WBP1L: variants seen among roughly 807,000 people sequenced by gnomAD.
WBP1L encodes the protein WW domain binding protein 1 like.
In WBP1L, 17 loss-of-function variants were observed where a neutral mutation model predicts 33.7. That is an observed-to-expected ratio of 0.50 (90% CI 0.34 to 0.76). The LOEUF (loss-of-function observed/expected upper bound fraction) is 0.76. WBP1L is among the 30% of genes least tolerant of loss of function. WBP1L has a pLI of 0.01. For missense variants in WBP1L, 389 were observed against 469.4 expected (o/e 0.83, Z 1.58); for synonymous variants, 173 against 190.8 (o/e 0.91, Z 0.77).
chr10:102,793,285 G>A (rs1843529211), intron 1 of WBP1L, among the ~76,000 whole-genome samples: 1 of 152,034 alleles, frequency 6.6e-6, no homozygotes, highest in Non-Finnish European at 1.5e-5. Flanking sequence ...TACCAAAAAA[G>A]TAAAAATAAA....
Position 102,781,207 on chromosome 10 carries a change from G to A in WBP1L, c.91-16786G>A, listed in dbSNP as rs146623245. ...AAGTGGCTTTAGAGTCTCACAAGGAGAGCAGTGGAAAGGCTGTGTGATAGC... is the reference window on the plus strand; with the variant it reads ...AAGTGGCTTTAGAGTCTCACAAGGAAAGCAGTGGAAAGGCTGTGTGATAGC... On this transcript the variant is annotated intron_variant, in intron 1 of 3. Transcript: ENST00000448841. Among the ~76,000 whole-genome samples, 1,303 of 152,304 alleles carry A rather than the reference G, an allele frequency of 8.6e-3. 10 individuals are homozygous for A. Among genetic ancestry groups the A allele is most frequent in the African/African-American group, 0.03 (1,227 of 41,564 alleles).
At chr10:102,799,720 C>T (rs7092051) in intron 2 of WBP1L, among the ~76,000 whole-genome samples, 78,865 of 151,906 alleles carry the variant, frequency 0.52, 21,498 homozygotes, top group Middle Eastern at 0.63. Context: ...GACCTTGCCC[C>T]CACCATCCTA....
At chr10:102,772,748 T>A (rs1345292521) in intron 1 of WBP1L, among the ~76,000 whole-genome samples, 2 of 150,568 alleles carry the variant, frequency 1.3e-5, no homozygotes, top group Non-Finnish European at 2.9e-5. Flanking sequence ...TTTTGTATTT[T>A]CTGTAGAGAT....
chr10:102,761,078 G>A (rs1408420092), intron 1 of WBP1L, among the ~76,000 whole-genome samples: 2 of 146,898 alleles, frequency 1.4e-5, no homozygotes, highest in African/African-American at 5.0e-5. Context: ...TTAATTTTTT[G>A]TGTTTTTTGG....
At chr10:102,798,646 A>G (rs575311633) in intron 2 of WBP1L, among the ~76,000 whole-genome samples, 1 of 152,234 alleles carries the variant, frequency 6.6e-6, no homozygotes, top group South Asian at 2.1e-4. Context: ...GATGGTCTCG[A>G]TCTGTTGACC....
At chr10:102,782,639 C>T (rs1843355107) in intron 1 of WBP1L, among the ~76,000 whole-genome samples, 1 of 152,094 alleles carries the variant, frequency 6.6e-6, no homozygotes, top group African/African-American at 2.4e-5. Flanking sequence ...CCTGCCTGAG[C>T]CATTTCTGTG....
At chr10:102,784,615 C>T (rs1355414989) in intron 1 of WBP1L, among the ~76,000 whole-genome samples, 10 of 151,628 alleles carry the variant, frequency 6.6e-5, no homozygotes, top group South Asian at 2.1e-4. Context: ...TTAGTAGAGA[C>T]GGGGTTTCAC....
Position 102,743,986 on chromosome 10 carries a change from A to C in WBP1L, c.-68A>C. 7.2e-6 allele frequency: 8 copies of C among 1,113,426 alleles called. No homozygotes were observed. The highest frequency in any genetic ancestry group is 1.1e-5 in the Non-Finnish European group (8 of 758,300). 69.0% of individuals were successfully genotyped at this position (1,113,426 alleles called of 1,614,324 possible). A position where few individuals can be genotyped will look rare whatever the true frequency, so the allele number is the denominator to read the frequency against. ...AGAAGGGAAGAAGGAAGAAGAGGGT[A>C]GAGGAGGAGAGGGAGGAGGAGGAGG... On this transcript the variant is annotated 5_prime_UTR_variant, in exon 1 of 4. Transcript: ENST00000448841.
chr10:102,770,711 C>T (rs1324361594), intron 1 of WBP1L, among the ~76,000 whole-genome samples: 17 of 152,150 alleles, frequency 1.1e-4, no homozygotes, highest in Admixed American at 1.1e-3. Flanking sequence ...GACCCTAGGA[C>T]CCTGACTTCA....
chr10:102,793,515 T>A (rs1196569518), intron 1 of WBP1L, among the ~76,000 whole-genome samples: 1 of 152,208 alleles, frequency 6.6e-6, no homozygotes, highest in African/African-American at 2.4e-5. Flanking sequence ...TATTTGACCT[T>A]TCCATTGCAT....
At chr10:102,784,040 A>G (rs1804248087) in intron 1 of WBP1L, among the ~76,000 whole-genome samples, 1 of 152,188 alleles carries the variant, frequency 6.6e-6, no homozygotes, top group African/African-American at 2.4e-5. Flanking sequence ...CTTATTAATG[A>G]CAGGTACAGA....
At chr10:102,754,366 G>A (rs1328751760) in intron 1 of WBP1L, among the ~76,000 whole-genome samples, 1 of 152,170 alleles carries the variant, frequency 6.6e-6, no homozygotes, top group African/African-American at 2.4e-5. Context: ...CTTCCTTAGA[G>A]CTGATTGCTG....
intron 2 of WBP1L, among the ~76,000 whole-genome samples, chr10:102,807,386 C>T (rs1843752147): frequency 6.7e-6 from 1 of 149,460 alleles, no homozygotes; most frequent in Non-Finnish European, 1.5e-5. Context: ...TCCATATATA[C>T]TTTTTTTTTT....
chr10:102,755,901 C>G (rs1590166886), intron 1 of WBP1L, among the ~76,000 whole-genome samples: 1 of 149,164 alleles, frequency 6.7e-6, no homozygotes, highest in Non-Finnish European at 1.5e-5. Context: ...AAAAATTAGC[C>G]GGGCGTGGTG....
intron 1 of WBP1L, among the ~76,000 whole-genome samples, chr10:102,768,364 G>GTT (rs1436727549): frequency 4.5e-5 from 2 of 44,578 alleles, no homozygotes; most frequent in Admixed American, 2.6e-4. Context: ...CCTGGCATTA[G>GTT]TTTTTTGTTT....
intron 2 of WBP1L, among the ~76,000 whole-genome samples, chr10:102,807,375 G>A (rs958940511): frequency 6.6e-6 from 1 of 151,956 alleles, no homozygotes. Context: ...TCCTTTTTCT[G>A]TCCATATATA....
intron 2 of WBP1L, among the ~76,000 whole-genome samples, chr10:102,806,448 A>G (rs1252067980): frequency 6.6e-6 from 1 of 152,060 alleles, no homozygotes. Flanking sequence ...AGCCAGTTTC[A>G]CCTCCATAAC....
chr10:102,781,641 C>T (rs1042634174), intron 1 of WBP1L, among the ~76,000 whole-genome samples: 1 of 152,122 alleles, frequency 6.6e-6, no homozygotes, highest in Non-Finnish European at 1.5e-5. Flanking sequence ...CTCTTTCCAC[C>T]AGGTTGAGGA....
intron 3 of WBP1L, among the ~76,000 whole-genome samples, chr10:102,810,768 T>C (rs569762625): frequency 1.3e-5 from 2 of 151,850 alleles, no homozygotes; most frequent in East Asian, 2.0e-4. Flanking sequence ...GGTTTCTCCA[T>C]GTTGGTCAGG....
Sources: gnomAD v4.1 joint callset for allele counts (sites outside exome capture counted in the v4.1 genomes callset) on GRCh38, gnomAD v4.1.1 for gene constraint, MANE v1.5 for transcripts, NCBI Gene and HGNC (gene_info 2026-07-23, HGNC 2026-07-21) for gene names.